The following TTN variants were observed in gnomAD, a reference collection of about 807,000 sequenced individuals.
The protein encoded by TTN is titin, also known as connectin.
In TTN, 1,525 loss-of-function variants were observed where a neutral mutation model predicts 3,223.0. The observed-to-expected ratio is 0.47, with a 90% confidence interval of 0.45 to 0.49. TTN has a LOEUF of 0.49. Among genes scored for constraint, TTN ranks in the 20% least tolerant of loss-of-function variants. TTN has a pLI of 0.00. For missense variants in TTN, 40,786 were observed against 43,424.0 expected (o/e 0.94, Z 5.40); for synonymous variants, 14,094 against 15,161.0 (o/e 0.93, Z 5.17).
rs755040044 is a variant in TTN at position 178,620,567 on chromosome 2, A to G, written c.45954T>C (p.Ser15318=). The G allele has an allele frequency of 6.2e-7, 1 of 1,611,684 alleles. No homozygotes were observed. The part of the protein sequence containing the change: ...LKDIETMEKK[S]VTFWCKVNRL... ...GATTCACCTTGCACCAGAATGTGAC[A>G]GATTTCTTCTCCATTGTTTCAATAT... The change falls in exon 248 of 363, where the codon TCT becomes TCC. Residue 15318 remains serine, a synonymous_variant. Coordinates refer to ENST00000589042, the MANE Select transcript of TTN (RefSeq NM_001267550.2).
intron 316 of TTN, chr2:178,580,943 C>A: frequency 4.2e-6 from 1 of 235,522 alleles, no homozygotes; most frequent in South Asian, 8.6e-5. Context: ...TTTTTCCTTT[C>A]TATATTCCAT....
rs370973715 is a variant in TTN, at chr2:178,713,206, C to T, written c.26928G>A (p.Leu8976=). 35 of 1,613,502 alleles carry T rather than the reference C, an allele frequency of 2.2e-5. No homozygotes were observed. The African/African-American group carries it at 4.0e-4, about 18-fold the overall frequency. ...CAGTTAAAGCACAAGTATTATCTGT[C>T]AGGGTGGTCTGGTATTTCCTTCCAC... The part of the protein sequence containing the change: ...ISSGRKYQTT[L]TDNTCALTVN... Residue 8976 remains leucine (L), a synonymous_variant, in exon 93 of 363, where the codon CTG becomes CTA. Coordinates refer to ENST00000589042, the MANE Select transcript of TTN (RefSeq NM_001267550.2).
intron 129 of TTN, 89 bp from the exon 130 acceptor site, chr2:178,685,078 T>C (rs2070489382): frequency 2.4e-6 from 3 of 1,239,750 alleles, no homozygotes; most frequent in African/African-American, 1.5e-5. Flanking sequence ...TTTGAAAAGA[T>C]TGCACATATA....
Position 178,538,557 on chromosome 2 carries a change from A to C in TTN, c.99272T>G (p.Ile33091Arg). ...CTACTTACATGTGAGTTTAGTCTTTATAGACATAGCAGTTCTGCGAGGTCT... is the reference window on the plus strand; with the variant it reads ...CTACTTACATGTGAGTTTAGTCTTTCTAGACATAGCAGTTCTGCGAGGTCT... ...LSRPRRTAMS[I>R]KTKLTSGEAP... is the part of the protein sequence containing the mutation. Residue 33091 changes from isoleucine to arginine, a missense_variant, in exon 354 of 363, where the codon ATA (isoleucine) becomes AGA (arginine). Coordinates refer to ENST00000589042, the MANE Select transcript of TTN (RefSeq NM_001267550.2). 1 of 1,612,242 alleles carries C rather than the reference A, an allele frequency of 6.2e-7. No homozygotes were observed. The highest frequency in any genetic ancestry group is 2.2e-5 in the East Asian group (1 of 44,848).
rs913400524 is a variant in TTN at position 178,804,438 on chromosome 2, A to G, written c.91+114T>C. On this transcript the variant is annotated intron_variant, in intron 2 of 362. Coordinates refer to ENST00000589042, the MANE Select transcript of TTN (RefSeq NM_001267550.2). ...AATGACCTTTCCATAGTGTTGGACT[A>G]ATTTTCCGAAGTGAAAGCAGGGCTT... is the stretch of plus-strand genomic sequence containing the variant. The G allele has an allele frequency of 8.2e-6, 8 of 973,040 alleles. No individual in the cohort carries two copies. The African/African-American group carries it at 1.1e-4, about 14-fold the overall frequency. The allele number at this position is 973,040 out of a possible 1,614,324, so 60.3% of individuals were successfully genotyped here. A position where few individuals can be genotyped will look rare whatever the true frequency, so the allele number is the denominator to read the frequency against.
In TTN at chr2:178,546,883, C is replaced by T. The variant is rs1697410767; in HGVS notation, c.94545G>A (p.Val31515=). 1 of 1,590,372 alleles carries T rather than the reference C, an allele frequency of 6.3e-7. No homozygotes were observed. Among genetic ancestry groups the T allele is most frequent in the Non-Finnish European group, 8.6e-7 (1 of 1,165,074 alleles). ...ATACTGTTGATCTTGTGACATCTGT[C>T]ACCTCTGGTCTGCCTGGTGCATCTG... ...NPVDAPGRPE[V]TDVTRSTVSL... Residue 31515 remains valine (V), a synonymous_variant, in exon 341 of 363, where the codon GTG becomes GTA. Coordinates refer to ENST00000589042, the MANE Select transcript of TTN (RefSeq NM_001267550.2).
chr2:178,777,997 T>A (rs1206876380), intron 24 of TTN, 22 bp from the exon 25 acceptor site: 5 of 1,610,868 alleles, frequency 3.1e-6, no homozygotes, highest in Non-Finnish European at 4.2e-6. Flanking sequence ...AGACACACAA[T>A]ACTTTCGTGA....
At chr2:178,767,294 G>A (rs963216686) in intron 40 of TTN, among the ~76,000 whole-genome samples, 1 of 152,208 alleles carries the variant, frequency 6.6e-6, no homozygotes, top group African/African-American at 2.4e-5. Context: ...ATCCTTGCCA[G>A]GAACCCAGCA....
Position 178,614,773 on chromosome 2 carries a change from T to A in TTN, c.48761-20A>T. The A allele has an allele frequency of 6.2e-7, 1 of 1,603,040 alleles. No homozygotes were observed. The highest frequency in any genetic ancestry group is 1.1e-5 in the South Asian group (1 of 89,658). ...GGGCCTCTGAATTGGAAAAGATTATTTATGATGTTATCAAGTTCAAGCAGA... is the reference window on the plus strand; with the variant it reads ...GGGCCTCTGAATTGGAAAAGATTATATATGATGTTATCAAGTTCAAGCAGA... On this transcript the variant is annotated intron_variant, in intron 260 of 362. Coordinates refer to ENST00000589042, the MANE Select transcript of TTN (RefSeq NM_001267550.2).
At chr2:178,550,601 A>G (rs756452046) in intron 336 of TTN, 105 of 406,868 alleles carry the variant, frequency 2.6e-4, no homozygotes, top group Non-Finnish European at 3.8e-4. Flanking sequence ...CATCAGCTGC[A>G]TTCAAGCAAG....
At chr2:178,737,981 T>C (rs1368494233) in intron 49 of TTN, 101 bp downstream of exon 49, 4 of 1,485,620 alleles carry the variant, frequency 2.7e-6, no homozygotes, top group Non-Finnish European at 3.6e-6. Flanking sequence ...TGTTGGTCTC[T>C]CCAGTTGGTA....
chr2:178,580,779 T>C, intron 316 of TTN, 170 bp from the exon 317 acceptor site: 1 of 700,370 alleles, frequency 1.4e-6, no homozygotes, highest in Non-Finnish European at 2.3e-6. Context: ...GTACTAATTG[T>C]TGATCTTTCC....
chr2:178,760,016 A>T (rs1159764626), intron 43 of TTN, among the ~76,000 whole-genome samples: 1 of 152,212 alleles, frequency 6.6e-6, no homozygotes, highest in East Asian at 1.9e-4. Flanking sequence ...AATCAAAGCC[A>T]TCTTGTTTTT....
chr2:178,534,086 G>C lies in TTN; in HGVS notation c.102529C>G (p.Leu34177Val). 1 of 1,613,900 alleles carries C rather than the reference G, an allele frequency of 6.2e-7. No individual in the cohort carries two copies. The highest frequency in any genetic ancestry group is 1.1e-5 in the South Asian group (1 of 91,084). The change falls in exon 358 of 363, where the codon CTG becomes GTG. Residue 34177 changes from leucine (L) to valine (V), a missense_variant. Transcript: ENST00000589042. ...ATTTCGTATTTCTCACTGTTCTCCA[G>C]CTGTCGGACGCCAAAGTACCAAGTC... is the stretch of plus-strand genomic sequence containing the variant. ...QVTWYFGVRQ[L>V]ENSEKYEITY... is the part of the protein sequence containing the mutation.
chr2:178,538,673 A>G lies in TTN; in HGVS notation c.99156T>C (p.Arg33052=). The G allele has an allele frequency of 6.2e-7, 1 of 1,613,722 alleles. No homozygotes were observed. The highest frequency in any genetic ancestry group is 8.5e-7 in the Non-Finnish European group (1 of 1,179,726). The change falls in exon 354 of 363, where the codon CGT becomes CGC. Residue 33052 remains arginine, a synonymous_variant. Transcript: ENST00000589042. ...DSAWKKSNKE[R]IKDKQFTIGG... ...CTATTGTGAATTGCTTGTCCTTAAT[A>G]CGTTCCTTATTGCTCTTCTTCCAGG...
chr2:178,564,239 T>G lies in TTN; in HGVS notation c.81893A>C (p.Asp27298Ala), dbSNP rs557375464. 6.2e-7 allele frequency: 1 copy of G among 1,613,372 alleles called. No homozygotes were observed. Among genetic ancestry groups the G allele is most frequent in the South Asian group, 1.1e-5 (1 of 91,090 alleles). Residue 27298 changes from aspartate (D) to alanine (A), a missense_variant, in exon 326 of 363, where the codon GAC becomes GCC. Coordinates refer to ENST00000589042, the MANE Select transcript of TTN (RefSeq NM_001267550.2). ...ATCAGGTATAGGTTTGCCACGGATGTCGGCTTCAAGAACAAAAGTCTCTCC... is the reference window on the plus strand; with the variant it reads ...ATCAGGTATAGGTTTGCCACGGATGGCGGCTTCAAGAACAAAAGTCTCTCC... ...HAGETFVLEA[D>A]IRGKPIPDVV... is the part of the protein sequence containing the mutation.
At position 178,532,828 on chromosome 2, in the gene TTN, C is replaced by G; in HGVS notation, c.103787G>C (p.Arg34596Pro). 3 of 1,613,886 alleles carry G rather than the reference C, an allele frequency of 1.9e-6. No individual in the cohort carries two copies. The highest frequency in any genetic ancestry group is 2.5e-6 in the Non-Finnish European group (3 of 1,179,864). ...ATAGAACTGTTCCCATCTTGAAAGG[C>G]GGATGCGCTTGGGTCGTTTCTGTAC... ...RVVQKRPKRI[R>P]LSRWEQFYVM... Residue 34596 changes from arginine (R) to proline (P), a missense_variant, in exon 358 of 363, where the codon CGC (arginine) becomes CCC (proline). Physicochemically the swap from Arg to Pro is moderately radical, Grantham distance 103. Transcript: ENST00000589042.
chr2:178,607,002 A>G lies in TTN; in HGVS notation c.53581+19T>C, dbSNP rs764528095. Reference sequence around the variant, plus strand: ...AGCAAAACATTACTCTATAAACACAATGAAACCTTCTCTTTTACCTAGTGG... The same window carrying G: ...AGCAAAACATTACTCTATAAACACAGTGAAACCTTCTCTTTTACCTAGTGG... On this transcript the variant is annotated intron_variant, in intron 278 of 362. Transcript: ENST00000589042. 1.1e-5 allele frequency: 17 copies of G among 1,599,032 alleles called. No individual in the cohort carries two copies. Among genetic ancestry groups the G allele is most frequent in the Non-Finnish European group, 1.4e-5 (16 of 1,175,974 alleles).
chr2:178,739,919 G>C lies in TTN; in HGVS notation c.13314C>G (p.His4438Gln), dbSNP rs2082194303. The stretch of plus-strand genomic sequence containing the variant: ...AAGTAACAAGGTACATGCACATGAT[G>C]TGTCTGGGCTCTTGGGTGATGTTTA... The part of the protein sequence containing the change: ...EAVNITQEPR[H>Q]IMCMYLVTSA... The change falls in exon 48 of 363, where the codon CAC (histidine) becomes CAG (glutamine). Residue 4438 changes from histidine (H) to glutamine (Q), a missense_variant. By Grantham distance (24) the His-to-Gln change is conservative (BLOSUM62 0). Transcript: ENST00000589042. 1.9e-6 allele frequency: 3 copies of C among 1,613,758 alleles called. No individual in the cohort carries two copies. The African/African-American group carries it at 4.0e-5, about 22-fold the overall frequency.
Sources: gnomAD v4.1 joint callset for allele counts (sites outside exome capture counted in the v4.1 genomes callset) on GRCh38, gnomAD v4.1.1 for gene constraint, MANE v1.5 for transcripts, NCBI Gene and HGNC (gene_info 2026-07-23, HGNC 2026-07-21) for gene names.